PLPPR1: variants seen among roughly 807,000 people sequenced by gnomAD.
PLPPR1 encodes the protein phospholipid phosphatase related 1.
PLPPR1 carries 10 observed loss-of-function variants against 33.1 expected under a neutral mutation model. The observed-to-expected ratio is 0.30, with a 90% CI of 0.19 to 0.51. The LOEUF (loss-of-function observed/expected upper bound fraction) is 0.51, where lower values mean the gene tolerates loss of function less well. Among genes scored for constraint, PLPPR1 ranks in the 20% least tolerant of loss-of-function variants. The pLI, the probability that PLPPR1 is intolerant of heterozygous loss-of-function variation, is 0.97. For missense variants in PLPPR1, 304 were observed against 408.1 expected, an observed-to-expected ratio of 0.74 and a Z score of 2.20; for synonymous variants, 151 against 151.0, an observed-to-expected ratio of 1.00 and a Z score of 0.00.
chr9:101,163,839 T>C (rs1263521743), intron 1 of PLPPR1, among the ~76,000 whole-genome samples: 1 of 152,188 alleles, frequency 6.6e-6, no homozygotes, highest in Non-Finnish European at 1.5e-5. Context: ...GACAAAATAA[T>C]ATCAAATCCC....
intron 1 of PLPPR1, among the ~76,000 whole-genome samples, chr9:101,118,739 CTAAT>C (rs780827798): frequency 1.5e-4 from 23 of 152,200 alleles, no homozygotes; most frequent in Non-Finnish European, 2.2e-4. Flanking sequence ...CCCCACAGTC[CTAAT>C]TAATTGTCTT....
At chr9:101,188,027 C>T (rs1826233462) in intron 2 of PLPPR1, 1 of 151,844 alleles carries the variant, frequency 6.6e-6, no homozygotes, top group South Asian at 2.1e-4. Flanking sequence ...CTATGCTGAA[C>T]CTTTCTTTTG....
chr9:101,196,198 T>C (rs1826389908), intron 2 of PLPPR1, among the ~76,000 whole-genome samples: 1 of 152,074 alleles, frequency 6.6e-6, no homozygotes, highest in African/African-American at 2.4e-5. Context: ...GCATAATTTC[T>C]AAGCTAATGC....
At chr9:101,184,285 C>A (rs1826167830) in intron 1 of PLPPR1, among the ~76,000 whole-genome samples, 2 of 151,634 alleles carry the variant, frequency 1.3e-5, no homozygotes, top group Admixed American at 6.6e-5. Context: ...TAAATTTGAT[C>A]AGAGAAACTT....
chr9:101,115,439 C>T (rs1251370404), intron 1 of PLPPR1, among the ~76,000 whole-genome samples: 2 of 152,194 alleles, frequency 1.3e-5, no homozygotes, highest in Admixed American at 6.5e-5. Flanking sequence ...ATGAACACAA[C>T]AGATGTAGTC....
At chr9:101,057,350 C>T (rs972395186) in intron 1 of PLPPR1, among the ~76,000 whole-genome samples, 1 of 152,056 alleles carries the variant, frequency 6.6e-6, no homozygotes, top group African/African-American at 2.4e-5. Context: ...CAAAAATGTA[C>T]TGTAAGTAGC....
intron 3 of PLPPR1, among the ~76,000 whole-genome samples, chr9:101,282,099 A>G (rs1828314549): frequency 1.3e-5 from 2 of 152,174 alleles, no homozygotes; most frequent in African/African-American, 4.8e-5. Context: ...CCCTAATACC[A>G]AAGCCAGAGA....
chr9:101,113,581 A>T (rs929612205), intron 1 of PLPPR1, among the ~76,000 whole-genome samples: 2 of 152,110 alleles, frequency 1.3e-5, no homozygotes, highest in African/African-American at 4.8e-5. Flanking sequence ...ATAGTCTAGT[A>T]TTGAATATGC....
At chr9:101,163,231 C>T (rs909158316) in intron 1 of PLPPR1, among the ~76,000 whole-genome samples, 8 of 152,152 alleles carry the variant, frequency 5.3e-5, no homozygotes, top group Non-Finnish European at 4.4e-5. Flanking sequence ...TATTTGGTGT[C>T]TGAACACTCC....
intron 1 of PLPPR1, among the ~76,000 whole-genome samples, chr9:101,086,698 T>C (rs1281719605): frequency 2.6e-5 from 4 of 152,206 alleles, no homozygotes; most frequent in Non-Finnish European, 1.5e-5. Flanking sequence ...ATAACCTTTA[T>C]ATCCTTGGTC....
At chr9:101,132,482 C>A (rs182178275) in intron 1 of PLPPR1, among the ~76,000 whole-genome samples, 12 of 152,164 alleles carry the variant, frequency 7.9e-5, no homozygotes, top group Admixed American at 1.3e-4. Context: ...ATAAGGAGGT[C>A]AGTGGTTACC....
chr9:101,053,206 C>A (rs999605191), intron 1 of PLPPR1, among the ~76,000 whole-genome samples: 2 of 152,122 alleles, frequency 1.3e-5, no homozygotes, highest in African/African-American at 2.4e-5. Context: ...GTTAATGGGG[C>A]CACCATTATC....
chr9:101,319,804 A>G (rs1234358497), intron 7 of PLPPR1, among the ~76,000 whole-genome samples: 1 of 152,206 alleles, frequency 6.6e-6, no homozygotes, highest in Non-Finnish European at 1.5e-5. Context: ...AAATGAAAAC[A>G]AGTGAATTTT....
At chr9:101,037,242 TG>T (rs1212058061) in intron 1 of PLPPR1, among the ~76,000 whole-genome samples, 2 of 152,120 alleles carry the variant, frequency 1.3e-5, no homozygotes, top group Non-Finnish European at 2.9e-5. Context: ...CTTGTGTGAA[TG>T]TTATAAATTT....
intron 2 of PLPPR1, among the ~76,000 whole-genome samples, chr9:101,233,336 GA>G (rs1827228929): frequency 6.6e-6 from 1 of 151,932 alleles, no homozygotes; most frequent in African/African-American, 2.4e-5. Context: ...GGGGAAAATG[GA>G]ATAATGTTTA....
intron 2 of PLPPR1, among the ~76,000 whole-genome samples, chr9:101,216,019 G>A (rs977957939): frequency 4.6e-5 from 7 of 152,020 alleles, no homozygotes; most frequent in East Asian, 3.9e-4. Flanking sequence ...GTGGGATTAC[G>A]GGATCATATG....
intron 1 of PLPPR1, among the ~76,000 whole-genome samples, chr9:101,134,752 A>G (rs55672230): frequency 0.16 from 23,763 of 152,172 alleles, 2,142 homozygotes; most frequent in Non-Finnish European, 0.2. Flanking sequence ...AGATTTTGGA[A>G]GGTGGTAGAG....
chr9:101,241,140 A>C (rs969991908), intron 2 of PLPPR1, among the ~76,000 whole-genome samples: 2 of 152,088 alleles, frequency 1.3e-5, no homozygotes, highest in Non-Finnish European at 2.9e-5. Flanking sequence ...AGACACTGAG[A>C]TGGAATAGGT....
At chr9:101,111,372 A>G (rs1202372017) in intron 1 of PLPPR1, among the ~76,000 whole-genome samples, 3 of 152,186 alleles carry the variant, frequency 2.0e-5, no homozygotes, top group Non-Finnish European at 4.4e-5. Flanking sequence ...ATTCTATTTC[A>G]TAGTTCAGTA....
Sources: allele counts gnomAD v4.1 joint callset (sites outside exome capture counted in the v4.1 genomes callset), GRCh38; gene constraint gnomAD v4.1.1; transcripts MANE v1.5; gene names NCBI Gene and HGNC (gene_info 2026-07-23, HGNC 2026-07-21).